The following ADGRF1 variants were observed in gnomAD, a reference collection of about 807,000 sequenced individuals.
ADGRF1 encodes G protein-coupled receptor 110.
ADGRF1 carries 85 observed loss-of-function variants against 87.2 expected under a neutral mutation model. That is an observed-to-expected ratio of 0.97 (90% CI 0.82 to 1.17). The LOEUF (loss-of-function observed/expected upper bound fraction) is 1.17. ADGRF1 is among the 50% of genes most tolerant of loss of function. ADGRF1 has a pLI of 0.00. For missense variants in ADGRF1, 1,169 were observed against 1,077.2 expected (o/e 1.09, Z -1.19); for synonymous variants, 430 against 408.8 (o/e 1.05, Z -0.63).
At chr6:47,023,332 G>C (rs918590406) in intron 5 of ADGRF1, among the ~76,000 whole-genome samples, 3 of 152,196 alleles carry the variant, frequency 2.0e-5, no homozygotes, top group Non-Finnish European at 4.4e-5. Flanking sequence ...CCAGGAAGGA[G>C]AGCCAGTATT....
chr6:47,020,502 C>CAAA lies in ADGRF1; in HGVS notation c.611+226_611+228dup, dbSNP rs748152209. The stretch of plus-strand genomic sequence containing the variant: ...TTGGGCGACAAGAGTGACATTCTGT[C>CAAA]AAAAAAAAAAAAAAATTTAAGGTCC... On this transcript the variant is annotated intron_variant, in intron 7 of 14. Coordinates refer to ENST00000371253, the MANE Select transcript of ADGRF1 (RefSeq NM_153840.4). The CAAA allele has an allele frequency of 3.1e-3, 3,815 of 1,245,434 alleles. 59 individuals carry two copies. In the African/African-American group the frequency reaches 0.052, roughly 17 times the overall value. The allele number at this position is 1,245,434 out of a possible 1,614,324, so 77.1% of individuals were successfully genotyped here. A position where few individuals can be genotyped will look rare whatever the true frequency, so the allele number is the denominator to read the frequency against.
chr6:47,021,860 A>T (rs10456563), intron 6 of ADGRF1, 98 bp downstream of exon 6: 14,508 of 676,928 alleles, frequency 0.021, 213 homozygotes, highest in Non-Finnish European at 0.03. Context: ...CTGAAAACGA[A>T]TAATTAAGAA....
chr6:47,013,113 C>T (rs1001473734), intron 9 of ADGRF1: 6 of 985,482 alleles, frequency 6.1e-6, no homozygotes, highest in East Asian at 1.1e-4. Context: ...CTCCCATCTA[C>T]TTTTACTACA....
intron 5 of ADGRF1, among the ~76,000 whole-genome samples, chr6:47,023,702 A>T (rs1780140565): frequency 6.6e-6 from 1 of 152,212 alleles, no homozygotes; most frequent in Non-Finnish European, 1.5e-5. Context: ...TTGGCAAAAG[A>T]CGTGAAAAGA....
At chr6:47,016,986 A>G (rs1229999700) in intron 7 of ADGRF1, 3 of 378,338 alleles carry the variant, frequency 7.9e-6, no homozygotes, top group Non-Finnish European at 1.1e-5. Context: ...GTATATATAC[A>G]GATATAATTA....
chr6:47,018,675 G>A, intron 7 of ADGRF1: 1 of 1,115,142 alleles, frequency 9.0e-7, no homozygotes, highest in Non-Finnish European at 1.2e-6. Flanking sequence ...ACTTTGGGAG[G>A]CCAAGGTGTG....
intron 1 of ADGRF1, among the ~76,000 whole-genome samples, chr6:47,034,733 A>G (rs1309598235): frequency 6.6e-6 from 1 of 152,180 alleles, no homozygotes; most frequent in Non-Finnish European, 1.5e-5. Flanking sequence ...TCTCTGTTCC[A>G]GGATCCCTAT....
At chr6:47,019,807 G>A (rs531230830) in intron 7 of ADGRF1, 2 of 984,724 alleles carry the variant, frequency 2.0e-6, no homozygotes, top group East Asian at 2.3e-4. Context: ...CTAACAAGCA[G>A]ACAGATTATT....
At chr6:47,020,587 T>A in intron 7 of ADGRF1, 144 bp downstream of exon 7, 1 of 1,525,002 alleles carries the variant, frequency 6.6e-7, no homozygotes, top group Non-Finnish European at 8.8e-7. Flanking sequence ...GCATCACAGA[T>A]CCTTGTTCAC....
chr6:47,041,930 G>A (rs926435313), intron 1 of ADGRF1, among the ~76,000 whole-genome samples: 1 of 152,166 alleles, frequency 6.6e-6, no homozygotes, highest in African/African-American at 2.4e-5. Flanking sequence ...TATCACAGAG[G>A]GAAGAGTGTG....
rs764504592 is a variant in ADGRF1 at position 47,009,579 on chromosome 6, G to A, written c.1856C>T (p.Thr619Ile). ...CATGCAAATACGACGTGTGTGAGAGGTTTGGCTTTTTTTAATCTGCTTCCA... is the reference window on the plus strand; with the variant it reads ...CATGCAAATACGACGTGTGTGAGAGATTTGGCTTTTTTTAATCTGCTTCCA... ...LFWKQIKKSQ[T>I]SHTRRICMVN... Residue 619 changes from threonine to isoleucine, a missense_variant, in exon 11 of 15, where the codon ACC (threonine) becomes ATC (isoleucine). Physicochemically the swap from Thr to Ile is moderately conservative, Grantham distance 89. Coordinates refer to ENST00000371253, the MANE Select transcript of ADGRF1 (RefSeq NM_153840.4). The A allele has an allele frequency of 5.0e-6, 8 of 1,614,148 alleles. No homozygotes were observed. In the African/African-American group the frequency reaches 8.0e-5, roughly 16 times the overall value.
At chr6:47,000,436 G>A (rs1406486389) in intron 14 of ADGRF1, 141 bp from the exon 15 acceptor site, 2 of 577,800 alleles carry the variant, frequency 3.5e-6, no homozygotes, top group Non-Finnish European at 6.0e-6. Context: ...AAAGACTGTG[G>A]TTGGTGGAGA....
Position 47,027,697 on chromosome 6 carries a change from G to A in ADGRF1, c.127+7C>T. 1.3e-6 allele frequency: 2 copies of A among 1,599,560 alleles called. No homozygotes were observed. The highest frequency in any genetic ancestry group is 1.7e-6 in the Non-Finnish European group (2 of 1,167,152). ...CCACTGCACCATGCTGTCTAACAGA[G>A]CCTCACCTAGATGTTTTTTCTTATT... On this transcript the variant is annotated splice_region_variant and intron_variant, in intron 3 of 14. Transcript: ENST00000371253.
chr6:47,012,412 C>T, intron 9 of ADGRF1: 1 of 827,870 alleles, frequency 1.2e-6, no homozygotes. Context: ...ATTCTTTCAA[C>T]ATCCTTTGAG....
At chr6:47,013,969 G>A (rs1284709939) in intron 9 of ADGRF1, 1 of 153,832 alleles carries the variant, frequency 6.5e-6, no homozygotes, top group Non-Finnish European at 1.4e-5. Context: ...AGTTTCCTGA[G>A]GCCTCCCCAG....
rs75540257 is a variant in ADGRF1 at position 47,029,370 on chromosome 6, T to A, written c.-43-266A>T. 3.7e-3 allele frequency among the ~76,000 whole-genome samples: 560 copies of A among 152,208 alleles called. 8 individuals carry two copies. The highest frequency in any genetic ancestry group is 0.024 in the South Asian group (117 of 4,816). On this transcript the variant is annotated intron_variant, in intron 1 of 14. Coordinates refer to ENST00000371253, the MANE Select transcript of ADGRF1 (RefSeq NM_153840.4). Reference sequence around the variant, plus strand: ...TGACTAAACACAGGTTTTTTTTTTTTAATCGTGACTTGCTTAACATTGCAA... The same window carrying A: ...TGACTAAACACAGGTTTTTTTTTTTAAATCGTGACTTGCTTAACATTGCAA...
rs7761398 is a variant in ADGRF1 at position 47,021,657 on chromosome 6, G to A, written c.552+301C>T. ...ATTACAGGCGTGAGCCACCATGCCC[G>A]GTCCATAAAAATTTTTTATAAAAAA... On this transcript the variant is annotated intron_variant, in intron 6 of 14. Transcript: ENST00000371253. Among the ~76,000 whole-genome samples the A allele has an allele frequency of 5.4e-3, 817 of 151,956 alleles. 11 individuals carry two copies. Among genetic ancestry groups the A allele is most frequent in the African/African-American group, 0.019 (767 of 41,432 alleles).
chr6:47,017,750 T>C (rs965858606), intron 7 of ADGRF1: 1 of 151,154 alleles, frequency 6.6e-6, no homozygotes, highest in Admixed American at 6.6e-5. Context: ...TAGACTAAAC[T>C]AACCTGTGAT....
rs767072698 is a variant in ADGRF1, at chr6:47,009,694, T to G, written c.1741A>C (p.Ile581Leu). The G allele has an allele frequency of 2.5e-6, 4 of 1,614,132 alleles. No individual in the cohort carries two copies. The highest frequency in any genetic ancestry group is 2.2e-5 in the South Asian group (2 of 91,072). ...GTGATCCATTTTACAACGGGGAAGA[T>G]TGTAGAGGGGACAAAAGGTGACATC... ...ILMSPFVPST[I>L]FPVVKWITYV... The change falls in exon 11 of 15, where the codon ATC becomes CTC. Residue 581 changes from isoleucine (I) to leucine (L), a missense_variant. By Grantham distance (5) the Ile-to-Leu change is conservative. Coordinates refer to ENST00000371253, the MANE Select transcript of ADGRF1 (RefSeq NM_153840.4).
Sources: allele counts gnomAD v4.1 joint callset (sites outside exome capture counted in the v4.1 genomes callset), GRCh38; gene constraint gnomAD v4.1.1; transcripts MANE v1.5; gene names NCBI Gene and HGNC (gene_info 2026-07-23, HGNC 2026-07-21).